Variants in REDIC1 observed in about 807,000 individuals in gnomAD.
REDIC1 encodes the protein regulator of DNA class I crossover intermediates 1, also known as HEI10 Interacting Protein 1.
chr12:39,643,311 T>G, the REDIC1 span, among the ~76,000 whole-genome samples: 1 of 151,532 alleles, frequency 6.6e-6, no homozygotes, highest in African/African-American at 2.4e-5. Context: ...ATAAACGAAA[T>G]TGGCTTTGGT....
the REDIC1 span, among the ~76,000 whole-genome samples, chr12:39,705,496 C>G: frequency 6.6e-6 from 1 of 151,704 alleles, no homozygotes; most frequent in Non-Finnish European, 1.5e-5. Flanking sequence ...CAAAACCAGA[C>G]AAAGACATCA....
chr12:39,771,042 G>T, the REDIC1 span, among the ~76,000 whole-genome samples: 12 of 152,114 alleles, frequency 7.9e-5, no homozygotes, highest in South Asian at 4.1e-4. Flanking sequence ...CGTACACAAA[G>T]AATTTCACAT....
At chr12:39,639,299 A>G in the REDIC1 span, among the ~76,000 whole-genome samples, 1 of 152,020 alleles carries the variant, frequency 6.6e-6, no homozygotes, top group Non-Finnish European at 1.5e-5. Context: ...CAAATAGTCA[A>G]TTAAGACATA....
chr12:39,640,616 A>G, the REDIC1 span, among the ~76,000 whole-genome samples: 1 of 151,848 alleles, frequency 6.6e-6, no homozygotes, highest in East Asian at 1.9e-4. Context: ...GAATGTTGAC[A>G]GAGAATATTG....
At chr12:39,790,389 G>T in the REDIC1 span, among the ~76,000 whole-genome samples, 1 of 109,648 alleles carries the variant, frequency 9.1e-6, no homozygotes. Flanking sequence ...CCCCACCACA[G>T]TCCCCAGAGT....
At chr12:39,626,313 C>G in the REDIC1 span, 2,909 of 1,613,970 alleles carry the variant, frequency 1.8e-3, 51 homozygotes, top group African/African-American at 0.036. Context: ...ACACAGGGAC[C>G]TCAGTGTCAA....
the REDIC1 span, among the ~76,000 whole-genome samples, chr12:39,767,383 C>T: frequency 1.5e-4 from 22 of 151,308 alleles, no homozygotes; most frequent in East Asian, 4.1e-3. Flanking sequence ...TAAGTGCTGT[C>T]GTCCAGGTTT....
At chr12:39,754,030 G>A in the REDIC1 span, among the ~76,000 whole-genome samples, 1 of 152,076 alleles carries the variant, frequency 6.6e-6, no homozygotes, top group Non-Finnish European at 1.5e-5. Flanking sequence ...TAATCCATAT[G>A]CACTCTTTTA....
chr12:39,646,610 TTCA>T, the REDIC1 span: 1 of 743,270 alleles, frequency 1.3e-6, no homozygotes, highest in East Asian at 3.0e-5. Flanking sequence ...GATTAAGACC[TTCA>T]TCAAATGATC....
chr12:39,696,909 G>T, the REDIC1 span, among the ~76,000 whole-genome samples: 2 of 152,200 alleles, frequency 1.3e-5, no homozygotes, highest in South Asian at 4.1e-4. Flanking sequence ...AAAAAAGAAT[G>T]AAGTATGCCT....
the REDIC1 span, among the ~76,000 whole-genome samples, chr12:39,629,086 C>A: frequency 1.3e-5 from 2 of 152,056 alleles, no homozygotes; most frequent in Admixed American, 6.6e-5. Context: ...TTACACTAAG[C>A]CTTGAAGGAC....
the REDIC1 span, among the ~76,000 whole-genome samples, chr12:39,751,826 C>G: frequency 6.6e-6 from 1 of 152,172 alleles, no homozygotes; most frequent in Non-Finnish European, 1.5e-5. Flanking sequence ...ACCGCATGTT[C>G]TCACTCATAG....
the REDIC1 span, among the ~76,000 whole-genome samples, chr12:39,798,701 A>G: frequency 6.6e-6 from 1 of 152,184 alleles, no homozygotes; most frequent in South Asian, 2.1e-4. Context: ...GATCACATCC[A>G]TTCCAGTCTT....
At chr12:39,696,520 G>A in the REDIC1 span, among the ~76,000 whole-genome samples, 3 of 105,768 alleles carry the variant, frequency 2.8e-5, no homozygotes, top group Non-Finnish European at 5.3e-5. Context: ...TCCAGCCTGG[G>A]CGACAGAGCG....
At chr12:39,718,785 G>A in the REDIC1 span, among the ~76,000 whole-genome samples, 5 of 152,030 alleles carry the variant, frequency 3.3e-5, no homozygotes, top group East Asian at 9.7e-4. Context: ...GCTGCTTCTT[G>A]GTCTGCAGAA....
At chr12:39,862,489 A>T in the REDIC1 span, among the ~76,000 whole-genome samples, 1 of 152,214 alleles carries the variant, frequency 6.6e-6, no homozygotes, top group South Asian at 2.1e-4. Context: ...AATGAAGAAC[A>T]ATTTGTGCTC....
chr12:39,723,393 C>T, the REDIC1 span, among the ~76,000 whole-genome samples: 6 of 151,968 alleles, frequency 3.9e-5, no homozygotes, highest in Admixed American at 6.6e-5. Flanking sequence ...GTTGCTAATT[C>T]CTTAGACGCT....
At chr12:39,719,719 A>T in the REDIC1 span, among the ~76,000 whole-genome samples, 1 of 152,198 alleles carries the variant, frequency 6.6e-6, no homozygotes, top group Non-Finnish European at 1.5e-5. Flanking sequence ...CTCAAATTGC[A>T]TCACTAAAGA....
the REDIC1 span, among the ~76,000 whole-genome samples, chr12:39,794,471 T>G: frequency 3.3e-5 from 5 of 152,164 alleles, no homozygotes; most frequent in African/African-American, 1.2e-4. Flanking sequence ...TATAACGCAA[T>G]TTGATGTATA....
Sources: allele counts gnomAD v4.1 joint callset (sites outside exome capture counted in the v4.1 genomes callset), GRCh38; gene constraint gnomAD v4.1.1; transcripts MANE v1.5; gene names NCBI Gene and HGNC (gene_info 2026-07-23, HGNC 2026-07-21).